AGBL1: variants seen among roughly 807,000 people sequenced by gnomAD.
The protein encoded by AGBL1 is cytosolic carboxypeptidase 4.
Under a neutral mutation model 118.9 loss-of-function variants are expected in AGBL1, and 130 were observed. That is an observed-to-expected ratio of 1.09 (90% confidence interval 0.95 to 1.26). The LOEUF is 1.26. Among genes scored for constraint, AGBL1 ranks in the 50% most tolerant of loss-of-function variants. AGBL1 has a pLI of 0.00. For synonymous variants in AGBL1, 555 were observed against 478.9 expected, an observed-to-expected ratio of 1.16 and a Z score of -2.08; for missense variants, 1,584 against 1,298.1, an observed-to-expected ratio of 1.22 and a Z score of -3.38.
intron 21 of AGBL1, among the ~76,000 whole-genome samples, chr15:86,655,269 C>T (rs1360661646): frequency 1.3e-5 from 2 of 152,184 alleles, no homozygotes; most frequent in Non-Finnish European, 2.9e-5. Flanking sequence ...TAACAACTTG[C>T]CTTCCCATTG....
chr15:86,446,348 G>C (rs2082121119), intron 18 of AGBL1, among the ~76,000 whole-genome samples: 1 of 152,208 alleles, frequency 6.6e-6, no homozygotes, highest in South Asian at 2.1e-4. Context: ...CTGCTCTGGT[G>C]TTGCATAGGA....
intron 23 of AGBL1, among the ~76,000 whole-genome samples, chr15:86,972,034 G>A (rs528893923): frequency 6.6e-6 from 1 of 152,076 alleles, no homozygotes; most frequent in African/African-American, 2.4e-5. Context: ...TAGTCATGCT[G>A]AACTGTAAGT....
At chr15:86,676,591 T>A (rs1335561353) in intron 22 of AGBL1, among the ~76,000 whole-genome samples, 1 of 152,144 alleles carries the variant, frequency 6.6e-6, no homozygotes, top group Non-Finnish European at 1.5e-5. Context: ...GTATCAGGAT[T>A]CTTATTGTAA....
At chr15:86,850,635 T>C (rs773480399) in intron 22 of AGBL1, among the ~76,000 whole-genome samples, 3 of 152,204 alleles carry the variant, frequency 2.0e-5, no homozygotes, top group Non-Finnish European at 4.4e-5. Flanking sequence ...AGAATCATTA[T>C]TGATAGGGTT....
At chr15:87,020,066 A>G (rs1257313605) in intron 24 of AGBL1, among the ~76,000 whole-genome samples, 1 of 152,090 alleles carries the variant, frequency 6.6e-6, no homozygotes, top group Non-Finnish European at 1.5e-5. Context: ...ACCAGGAAAA[A>G]AATTGAATCC....
At chr15:86,870,605 T>C (rs1157454433) in intron 22 of AGBL1, among the ~76,000 whole-genome samples, 1 of 151,986 alleles carries the variant, frequency 6.6e-6, no homozygotes, top group Non-Finnish European at 1.5e-5. Context: ...GAAATATTCC[T>C]GGGAGCCTTG....
chr15:86,524,462 C>T (rs2083234771), intron 19 of AGBL1, among the ~76,000 whole-genome samples: 1 of 152,178 alleles, frequency 6.6e-6, no homozygotes, highest in Admixed American at 6.5e-5. Context: ...AGTAGAGATA[C>T]ACAGACAGTG....
chr15:86,155,900 A>G (rs1180470237), intron 4 of AGBL1, among the ~76,000 whole-genome samples: 1 of 151,872 alleles, frequency 6.6e-6, no homozygotes. Context: ...AAAGAAATGT[A>G]TTTTCTCACT....
chr15:86,585,524 G>A (rs1011261670), intron 21 of AGBL1, among the ~76,000 whole-genome samples: 7 of 152,012 alleles, frequency 4.6e-5, no homozygotes, highest in Non-Finnish European at 7.4e-5. Context: ...ACGATGCCCA[G>A]CTATTTTTTA....
intron 22 of AGBL1, among the ~76,000 whole-genome samples, chr15:86,786,889 A>T (rs2141321101): frequency 6.6e-6 from 1 of 152,240 alleles, no homozygotes; most frequent in Admixed American, 6.5e-5. Flanking sequence ...CTGTTTTGCC[A>T]GTATGGAGAG....
At chr15:86,674,222 A>G (rs2085795955) in intron 21 of AGBL1, 51 bp from the exon 22 acceptor site, 3 of 1,534,240 alleles carry the variant, frequency 2.0e-6, no homozygotes, top group Non-Finnish European at 1.8e-6. Context: ...AAGTGTCACC[A>G]CTCAGCTCCC....
intron 22 of AGBL1, among the ~76,000 whole-genome samples, chr15:86,837,771 C>T (rs2079188990): frequency 1.3e-5 from 2 of 152,068 alleles, no homozygotes; most frequent in Non-Finnish European, 2.9e-5. Context: ...TGGATTAGAG[C>T]GTGAGAGAGA....
Position 86,252,877 on chromosome 15 carries a change from C to T in AGBL1, c.736-3976C>T, listed in dbSNP as rs565128448. On this transcript the variant is annotated intron_variant, in intron 7 of 22. Coordinates refer to ENST00000614907, the MANE Select transcript of AGBL1 (RefSeq NM_001386094.1). ...TTAAGATATTTTTATATTGAAGCTA[C>T]GCCACATCTGCCCTTGGGCTTAGAA... is the stretch of plus-strand genomic sequence containing the variant. Among the ~76,000 whole-genome samples the T allele has an allele frequency of 1.2e-4, 19 of 152,276 alleles. No individual in the cohort carries two copies. In the South Asian group the frequency reaches 1.5e-3, roughly 12 times the overall value.
chr15:86,324,806 A>T (rs999744264), intron 17 of AGBL1, among the ~76,000 whole-genome samples: 1 of 152,094 alleles, frequency 6.6e-6, no homozygotes, highest in Admixed American at 6.5e-5. Context: ...CAACCACAAG[A>T]GTTTGCCATT....
At chr15:86,304,479 A>T (rs960290965) in intron 17 of AGBL1, among the ~76,000 whole-genome samples, 2 of 152,142 alleles carry the variant, frequency 1.3e-5, no homozygotes, top group Non-Finnish European at 2.9e-5. Flanking sequence ...CATTGCCTCT[A>T]TGACTGAGCT....
At chr15:86,645,049 A>G (rs1210040037) in intron 21 of AGBL1, among the ~76,000 whole-genome samples, 1 of 151,930 alleles carries the variant, frequency 6.6e-6, no homozygotes, top group African/African-American at 2.4e-5. Context: ...AAAAACAAAA[A>G]CAAAAAAAAG....
intron 3 of AGBL1, among the ~76,000 whole-genome samples, chr15:86,149,014 A>G (rs1355592525): frequency 6.6e-6 from 1 of 152,200 alleles, no homozygotes; most frequent in Non-Finnish European, 1.5e-5. Context: ...AGAATTTCAT[A>G]CCCAGCCAAA....
At chr15:86,635,421 A>G (rs2085067117) in intron 21 of AGBL1, among the ~76,000 whole-genome samples, 1 of 150,766 alleles carries the variant, frequency 6.6e-6, no homozygotes, top group Non-Finnish European at 1.5e-5. Context: ...TATCAAGGGC[A>G]AAGTACTGTT....
At chr15:86,758,966 CA>C (rs80297816) in intron 22 of AGBL1, among the ~76,000 whole-genome samples, 13,639 of 80,788 alleles carry the variant, frequency 0.17, 979 homozygotes, top group African/African-American at 0.41. Context: ...GACACCCTGT[CA>C]AAAAAAAAAA....
Sources: allele counts gnomAD v4.1 joint callset (sites outside exome capture counted in the v4.1 genomes callset), GRCh38; gene constraint gnomAD v4.1.1; transcripts MANE v1.5; gene names NCBI Gene and HGNC (gene_info 2026-07-23, HGNC 2026-07-21).